Variants in SYNE2 observed in about 807,000 individuals in gnomAD.
SYNE2 encodes spectrin repeat containing nuclear envelope protein 2, also known as nesprin-2.
A neutral mutation model predicts 856.3 loss-of-function variants in SYNE2; 431 were observed. The ratio of observed to expected loss-of-function variants is 0.50; its 90% CI spans 0.47 to 0.55. The LOEUF (loss-of-function observed/expected upper bound fraction) is 0.55, where lower values mean the gene tolerates loss of function less well. SYNE2 is among the 20% of genes least tolerant of loss of function. SYNE2 has a pLI of 0.00. For synonymous variants in SYNE2, 2,923 were observed against 2,872.3 expected (o/e 1.02, Z -0.56); for missense variants, 8,129 against 8,023.2 (o/e 1.01, Z -0.50).
At chr14:64,212,218 A>G in intron 104 of SYNE2, 120 bp downstream of exon 104, 1 of 1,506,508 alleles carries the variant, frequency 6.6e-7, no homozygotes, top group South Asian at 1.1e-5. Flanking sequence ...TAAAGCAGCC[A>G]GGCTACATCC....
Position 64,002,702 on chromosome 14 carries a change from T to C in SYNE2, c.3787-18T>C, listed in dbSNP as rs1483441517. 13 of 1,610,374 alleles carry C rather than the reference T, an allele frequency of 8.1e-6. No individual in the cohort carries two copies. The South Asian group carries it at 1.3e-4, about 16-fold the overall frequency. On this transcript the variant is annotated intron_variant, in intron 29 of 115. Transcript: ENST00000555002. ...TTTTTCCACCTCAGTGTTTTAGCTT[T>C]TCTTATCTTTATTTTAGAATATCCA... is the stretch of plus-strand genomic sequence containing the variant.
At chr14:64,064,319 T>C (rs1375008975) in intron 50 of SYNE2, among the ~76,000 whole-genome samples, 2 of 152,104 alleles carry the variant, frequency 1.3e-5, no homozygotes, top group African/African-American at 2.4e-5. Context: ...AAAGGGAAGA[T>C]TCGTATCCCA....
At chr14:63,996,920 C>T (rs747105465) in intron 23 of SYNE2, 27 bp from the exon 24 acceptor site, 73 of 1,604,450 alleles carry the variant, frequency 4.5e-5, no homozygotes, top group Non-Finnish European at 6.0e-5. Flanking sequence ...ACCAGAAGCA[C>T]ATTTCCTGCT....
At chr14:63,822,705 C>G (rs183081269) in intron 1 of SYNE2, among the ~76,000 whole-genome samples, 2 of 152,306 alleles carry the variant, frequency 1.3e-5, no homozygotes, top group Admixed American at 1.3e-4. Context: ...TCTGCATAAG[C>G]AGGAAGTGAA....
Position 64,090,960 on chromosome 14 carries a change from C to T in SYNE2, c.11888C>T (p.Pro3963Leu). The T allele has an allele frequency of 1.2e-6, 2 of 1,614,060 alleles. No homozygotes were observed. Among genetic ancestry groups the T allele is most frequent in the South Asian group, 2.2e-5 (2 of 91,078 alleles). Residue 3963 changes from proline to leucine, a missense_variant, in exon 60 of 116, where the codon CCT becomes CTT. Pro to Leu is a moderately conservative substitution (Grantham distance 98). Transcript: ENST00000555002. ...AGGTTGCCCCAAACAGGAATGAAAC[C>T]TCTGCCTGTGTTTCAGCGGACAAAT... ...ELRLPQTGMK[P>L]LPVFQRTNQL...
chr14:63,784,120 G>A (rs1056144542), intron 1 of SYNE2, among the ~76,000 whole-genome samples: 2 of 152,158 alleles, frequency 1.3e-5, no homozygotes, highest in African/African-American at 4.8e-5. Flanking sequence ...AGCAAGTGGT[G>A]CAAGACAGAA....
intron 60 of SYNE2, among the ~76,000 whole-genome samples, chr14:64,092,606 T>C (rs2097634106): frequency 1.3e-5 from 2 of 152,194 alleles, no homozygotes; most frequent in Non-Finnish European, 2.9e-5. Context: ...AACTTTGTAG[T>C]TTTAAAAGGC....
In SYNE2 at chr14:64,017,595, A is replaced by G; in HGVS notation, c.4888A>G (p.Ile1630Val). 2 of 1,609,942 alleles carry G rather than the reference A, an allele frequency of 1.2e-6. No homozygotes were observed. Among genetic ancestry groups the G allele is most frequent in the Non-Finnish European group, 8.5e-7 (1 of 1,177,098 alleles). Residue 1630 changes from isoleucine to valine, a missense_variant and splice_region_variant, in exon 34 of 116, where the codon ATA becomes GTA. Physicochemically the swap from Ile to Val is conservative, Grantham distance 29. Coordinates refer to ENST00000555002, the MANE Select transcript of SYNE2 (RefSeq NM_182914.3). ...ANIIVDRWLDINEKTEDYYEN... is the reference protein window; with the variant it reads ...ANIIVDRWLDVNEKTEDYYEN... ...TGTTTCTCTTTTTAAATTATGGTAG[A>G]TAAATGAGAAGACAGAAGATTACTA...
chr14:64,075,023 G>A (rs995477815), intron 53 of SYNE2, among the ~76,000 whole-genome samples: 5 of 152,162 alleles, frequency 3.3e-5, no homozygotes, highest in Admixed American at 2.0e-4. Context: ...GATAAAACGG[G>A]ATGACACTTA....
Position 64,113,354 on chromosome 14 carries a change from C to T in SYNE2, c.12623C>T (p.Pro4208Leu). The change falls in exon 66 of 116, where the codon CCT becomes CTT. Residue 4208 changes from proline to leucine, a missense_variant. Physicochemically the swap from Pro to Leu is moderately conservative, Grantham distance 98. Transcript: ENST00000555002. The stretch of plus-strand genomic sequence containing the variant: ...GATTTCTCTTAGGGCACCACACCTC[C>T]TATTGAGGCTGACACTCTGGACTCT... ...PNQTEEGTTPPIEADTLDSSD... is the reference protein window; with the variant it reads ...PNQTEEGTTPLIEADTLDSSD... 1.9e-6 allele frequency: 3 copies of T among 1,613,926 alleles called. No homozygotes were observed. Among genetic ancestry groups the T allele is most frequent in the Non-Finnish European group, 2.5e-6 (3 of 1,180,034 alleles).
intron 1 of SYNE2, among the ~76,000 whole-genome samples, chr14:63,769,283 T>A (rs138540685): frequency 9.2e-5 from 14 of 152,176 alleles, no homozygotes; most frequent in African/African-American, 3.4e-4. Context: ...CATTAAATAT[T>A]ACAGGGGTAG....
chr14:64,155,121 A>G (rs901373778), intron 85 of SYNE2, among the ~76,000 whole-genome samples: 4 of 152,326 alleles, frequency 2.6e-5, no homozygotes, highest in South Asian at 2.1e-4. Flanking sequence ...TCCTCCATAG[A>G]TAGCCCAAGA....
chr14:63,807,787 T>C (rs1170736081), intron 1 of SYNE2, among the ~76,000 whole-genome samples: 2 of 120,934 alleles, frequency 1.7e-5, no homozygotes, highest in Non-Finnish European at 3.3e-5. Context: ...TCTGAGTAGC[T>C]AGGACTACAG....
chr14:63,902,767 C>A (rs1470190847), intron 1 of SYNE2, among the ~76,000 whole-genome samples: 1 of 151,868 alleles, frequency 6.6e-6, no homozygotes, highest in Non-Finnish European at 1.5e-5. Flanking sequence ...GAACACGACT[C>A]ACTGCAGCCT....
chr14:64,052,754 A>G lies in SYNE2; in HGVS notation c.8841A>G (p.Gln2947=), dbSNP rs375616798. ...AACACAAGATAAAGTTTTGCAGACA[A>G]TTCCATGAAAAAACATCAGCGCTTC... is the stretch of plus-strand genomic sequence containing the variant. ...EVEHKIKFCR[Q]FHEKTSALQE... is the part of the protein sequence containing the mutation. Residue 2947 remains glutamine (Q), a synonymous_variant, in exon 48 of 116, where the codon CAA becomes CAG. Transcript: ENST00000555002. The G allele has an allele frequency of 1.2e-5, 19 of 1,612,534 alleles. No individual in the cohort carries two copies. The highest frequency in any genetic ancestry group is 4.0e-5 in the African/African-American group (3 of 74,804).
chr14:63,867,940 G>T (rs1012968158), intron 1 of SYNE2, among the ~76,000 whole-genome samples: 2 of 152,008 alleles, frequency 1.3e-5, no homozygotes, highest in Admixed American at 6.6e-5. Context: ...ATGAACCTGT[G>T]TTGGGAGACT....
rs1365486261 is a variant in SYNE2, at chr14:63,981,181, C to T, written c.1836+8C>T. ...AAGGAAGAAATTAAAGAGGTATTTG[C>T]AGTCTAATAGCATCTGCTCAATTTT... is the stretch of plus-strand genomic sequence containing the variant. On this transcript the variant is annotated splice_region_variant and intron_variant, in intron 16 of 115. Transcript: ENST00000555002. 10 of 1,605,268 alleles carry T rather than the reference C, an allele frequency of 6.2e-6. No individual in the cohort carries two copies. Among genetic ancestry groups the T allele is most frequent in the South Asian group, 1.1e-5 (1 of 90,826 alleles).
At chr14:64,113,067 G>A (rs2097824542) in intron 65 of SYNE2, 1 of 985,210 alleles carries the variant, frequency 1.0e-6, no homozygotes, top group Admixed American at 6.2e-5. Flanking sequence ...CCTGTCTCCT[G>A]GGGCTCACCG....
chr14:64,132,713 G>A (rs2098034953), intron 77 of SYNE2, among the ~76,000 whole-genome samples: 2 of 152,264 alleles, frequency 1.3e-5, no homozygotes, highest in South Asian at 2.1e-4. Context: ...TTGAGACCTT[G>A]AATGAGATCA....
Sources: gnomAD v4.1 joint callset for allele counts (sites outside exome capture counted in the v4.1 genomes callset) on GRCh38, gnomAD v4.1.1 for gene constraint, MANE v1.5 for transcripts, NCBI Gene and HGNC (gene_info 2026-07-23, HGNC 2026-07-21) for gene names.